Variants in STK11IP observed in about 807,000 individuals in gnomAD.
STK11IP encodes the protein serine/threonine-protein kinase 11-interacting protein.
In STK11IP, 103 loss-of-function variants were observed where a neutral mutation model predicts 131.7. The observed-to-expected ratio is 0.78, with a 90% confidence interval of 0.67 to 0.92. The LOEUF is 0.92. Among genes scored for constraint, STK11IP ranks in the 40% least tolerant of loss-of-function variants. The pLI, the probability that STK11IP is intolerant of heterozygous loss-of-function variation, is 0.00. For missense variants in STK11IP, 1,315 were observed against 1,385.7 expected (o/e 0.95, Z 0.81); for synonymous variants, 557 against 575.6 (o/e 0.97, Z 0.46).
intron 2 of STK11IP, among the ~76,000 whole-genome samples, chr2:219,599,184 G>A (rs1300351499): frequency 1.3e-5 from 2 of 152,086 alleles, no homozygotes; most frequent in Non-Finnish European, 2.9e-5. Flanking sequence ...CACCTCCTGG[G>A]ACGAAGTGAT....
At chr2:219,611,167 C>A (rs1698384464) in intron 17 of STK11IP, among the ~76,000 whole-genome samples, 1 of 152,142 alleles carries the variant, frequency 6.6e-6, no homozygotes, top group South Asian at 2.1e-4. Flanking sequence ...GATTACAGAG[C>A]CATTAATTGA....
At chr2:219,614,646 C>T (rs1177432782) in intron 23 of STK11IP, 100 bp downstream of exon 23, 2 of 1,178,270 alleles carry the variant, frequency 1.7e-6, no homozygotes, top group South Asian at 1.3e-5. Flanking sequence ...CTTGCAGCAA[C>T]TGTCAGTTCC....
At chr2:219,609,990 T>C in intron 17 of STK11IP, 1 of 201,434 alleles carries the variant, frequency 5.0e-6, no homozygotes, top group Non-Finnish European at 1.0e-5. Context: ...CCTTCCCGGC[T>C]GACCTTGGAA....
In STK11IP at chr2:219,611,725, C is replaced by T; in HGVS notation, c.2226C>T (p.Ala742=). ...GEQSLAPSPS[A]SPVCHPPGHG... ...AGTCTCTGGCTCCTTCTCCGTCTGC[C>T]AGCCCTGTCTGCCACCCTCCTGGCC... Residue 742 remains alanine (A), a synonymous_variant, in exon 18 of 25, where the codon GCC becomes GCT. Transcript: ENST00000456909. The T allele has an allele frequency of 6.2e-7, 1 of 1,613,076 alleles. No homozygotes were observed. Among genetic ancestry groups the T allele is most frequent in the Non-Finnish European group, 8.5e-7 (1 of 1,179,870 alleles).
chr2:219,602,557 C>G lies in STK11IP; in HGVS notation c.528C>G (p.Thr176=). ...CCAACTTCAGCTACAATGCACTGAC[C>G]GCCTTAGACAGCTCCCTGGTGAGTG... ...LSANFSYNAL[T]ALDSSLRLLS... Residue 176 remains threonine, a synonymous_variant, in exon 6 of 25, where the codon ACC becomes ACG. Coordinates refer to ENST00000456909, the MANE Select transcript of STK11IP (RefSeq NM_052902.4). 6.2e-7 allele frequency: 1 copy of G among 1,614,010 alleles called. No homozygotes were observed.
intron 22 of STK11IP, 32 bp from the exon 23 acceptor site, chr2:219,614,444 T>C (rs1261266080): frequency 6.2e-7 from 1 of 1,610,196 alleles, no homozygotes; most frequent in Non-Finnish European, 8.5e-7. Context: ...ACCCGCTAGC[T>C]GATCTTCCTG....
chr2:219,601,388 T>C lies in STK11IP; in HGVS notation c.215T>C (p.Ile72Thr), dbSNP rs769127632. The change falls in exon 3 of 25, where the codon ATT (isoleucine) becomes ACT (threonine). Residue 72 changes from isoleucine (I) to threonine (T), a missense_variant. Ile to Thr is a moderately conservative substitution (Grantham distance 89, BLOSUM62 -1). Coordinates refer to ENST00000456909, the MANE Select transcript of STK11IP (RefSeq NM_052902.4). ...LPSHPADSPV[I>T]LQLQFLFDVL... ...TCCCATCCTGCCGACTCCCCTGTTA[T>C]TCTTCAGCTTCAGTTTCTCTTCGAT... 9.3e-6 allele frequency: 15 copies of C among 1,613,956 alleles called. No individual in the cohort carries two copies. The highest frequency in any genetic ancestry group is 1.6e-4 in the Middle Eastern group (1 of 6,084).
intron 17 of STK11IP, among the ~76,000 whole-genome samples, chr2:219,610,510 C>G (rs1352815242): frequency 6.6e-6 from 1 of 152,124 alleles, no homozygotes; most frequent in Non-Finnish European, 1.5e-5. Flanking sequence ...TCACGCCATT[C>G]TCCTGCCTCA....
intron 5 of STK11IP, 95 bp from the exon 6 acceptor site, chr2:219,602,373 A>G (rs900777338): frequency 2.1e-6 from 2 of 947,124 alleles, no homozygotes; most frequent in East Asian, 4.8e-5. Flanking sequence ...AGTTCAGTGT[A>G]TAAAAAATGA....
intron 9 of STK11IP, 54 bp downstream of exon 9, chr2:219,606,113 A>G (rs1377103029): frequency 7.1e-6 from 11 of 1,545,128 alleles, no homozygotes; most frequent in South Asian, 1.2e-5. Context: ...GTACCCCCCC[A>G]TGCTGGTTTG....
chr2:219,613,186 A>C lies in STK11IP; in HGVS notation c.2498A>C (p.Asp833Ala). 1 of 1,607,528 alleles carries C rather than the reference A, an allele frequency of 6.2e-7. No individual in the cohort carries two copies. The highest frequency in any genetic ancestry group is 8.5e-7 in the Non-Finnish European group (1 of 1,177,242). The change falls in exon 20 of 25, where the codon GAC (aspartate) becomes GCC (alanine). Residue 833 changes from aspartate (D) to alanine (A), a missense_variant. Physicochemically the swap from Asp to Ala is moderately radical, Grantham distance 126. Coordinates refer to ENST00000456909, the MANE Select transcript of STK11IP (RefSeq NM_052902.4). Reference sequence around the variant, plus strand: ...TTCATGTGCCTTGTGGTTGTGTCTGACCGCAGGCTGTACCTGTTGAAGGTG... The same window carrying C: ...TTCATGTGCCTTGTGGTTGTGTCTGCCCGCAGGCTGTACCTGTTGAAGGTG... ...GEFMCLVVVS[D>A]RRLYLLKVTG...
At chr2:219,606,346 A>T in intron 10 of STK11IP, 56 bp downstream of exon 10, 2 of 1,543,888 alleles carry the variant, frequency 1.3e-6, no homozygotes, top group Non-Finnish European at 1.8e-6. Flanking sequence ...GTCCTCCCCC[A>T]CCTTGCACCC....
intron 1 of STK11IP, 32 bp from the exon 2 acceptor site, chr2:219,598,062 G>T: frequency 6.4e-7 from 1 of 1,572,718 alleles, no homozygotes; most frequent in Non-Finnish European, 8.6e-7. Flanking sequence ...CCGCCCACCT[G>T]AGGCTCTTCC....
intron 14 of STK11IP, 66 bp downstream of exon 14, chr2:219,608,496 G>A: frequency 1.3e-6 from 2 of 1,530,634 alleles, no homozygotes; most frequent in Non-Finnish European, 1.8e-6. Flanking sequence ...GAGTGGTGGG[G>A]CCTGGCGGGT....
intron 11 of STK11IP, 30 bp downstream of exon 11, chr2:219,606,547 G>T: frequency 3.1e-6 from 5 of 1,612,576 alleles, no homozygotes; most frequent in Non-Finnish European, 4.2e-6. Flanking sequence ...GAGGACTGTT[G>T]GGGGAAGACA....
At position 219,598,161 on chromosome 2, in the gene STK11IP, G is replaced by A; in HGVS notation, c.42G>A (p.Ala14=). Residue 14 remains alanine, a synonymous_variant, in exon 2 of 25, where the codon GCG becomes GCA. Coordinates refer to ENST00000456909, the MANE Select transcript of STK11IP (RefSeq NM_052902.4). ...AQRDSLLWKL[A]GLLRESGDVV... is the part of the protein sequence containing the mutation. ...GGGACTCCCTGTTGTGGAAGCTCGCGGGGTTGCTGCGGGAGTCCGGTGAGT... is the reference window on the plus strand; with the variant it reads ...GGGACTCCCTGTTGTGGAAGCTCGCAGGGTTGCTGCGGGAGTCCGGTGAGT... 1.3e-6 allele frequency: 2 copies of A among 1,572,356 alleles called. No individual in the cohort carries two copies. The highest frequency in any genetic ancestry group is 1.7e-6 in the Non-Finnish European group (2 of 1,158,606).
Position 219,606,845 on chromosome 2 carries a change from T to G in STK11IP, c.1121T>G (p.Leu374Arg). 1 of 1,611,798 alleles carries G rather than the reference T, an allele frequency of 6.2e-7. No homozygotes were observed. ...GGGGGTGTTGTGACCCAGCCCCTGC[T>G]TCATAAGGTTAAGGTAAGCAGCGTC... The part of the protein sequence containing the change: ...SSGGVVTQPL[L>R]HKVKSRVRVR... Residue 374 changes from leucine (L) to arginine (R), a missense_variant, in exon 12 of 25, where the codon CTT (leucine) becomes CGT (arginine). Transcript: ENST00000456909.
At chr2:219,600,059 G>GTT (rs57060581) in intron 2 of STK11IP, among the ~76,000 whole-genome samples, 175 of 91,672 alleles carry the variant, frequency 1.9e-3, no homozygotes, top group Middle Eastern at 7.6e-3. Flanking sequence ...TTTTGTTTTT[G>GTT]TTTTTTTTTT....
intron 13 of STK11IP, 122 bp downstream of exon 13, chr2:219,607,259 G>C (rs753901411): frequency 2.2e-6 from 2 of 910,364 alleles, no homozygotes; most frequent in Non-Finnish European, 3.3e-6. Flanking sequence ...ATTATAGAGG[G>C]CTTCTTAGTC....
Sources: gnomAD v4.1 joint callset for allele counts (sites outside exome capture counted in the v4.1 genomes callset) on GRCh38, gnomAD v4.1.1 for gene constraint, MANE v1.5 for transcripts, NCBI Gene and HGNC (gene_info 2026-07-23, HGNC 2026-07-21) for gene names.